Variants in CLVS1 observed in about 807,000 individuals in gnomAD.
CLVS1 encodes clavesin 1.
CLVS1 carries 10 observed loss-of-function variants against 33.1 expected under a neutral mutation model. The ratio of observed to expected loss-of-function variants is 0.30; its 90% CI spans 0.19 to 0.51. CLVS1 has a LOEUF of 0.51. Ranked by LOEUF, CLVS1 falls within the 20% of genes least tolerant of loss-of-function variation. The pLI is 0.97. For missense variants in CLVS1, 343 were observed against 433.4 expected (o/e 0.79, Z 1.85); for synonymous variants, 163 against 166.1 (o/e 0.98, Z 0.14).
chr8:61,464,403 A>G (rs761982690), intron 5 of CLVS1, among the ~76,000 whole-genome samples: 17 of 152,202 alleles, frequency 1.1e-4, no homozygotes, highest in Non-Finnish European at 1.8e-4. Context: ...GAAAGAGCCA[A>G]TTCCTCCCCC....
chr8:61,375,579 A>G (rs937028050), intron 2 of CLVS1, among the ~76,000 whole-genome samples: 1 of 152,114 alleles, frequency 6.6e-6, no homozygotes. Context: ...AGATTTCCTG[A>G]TTTCTAATCT....
intron 3 of CLVS1, among the ~76,000 whole-genome samples, chr8:61,406,034 GC>G (rs1814972840): frequency 6.6e-6 from 1 of 152,110 alleles, no homozygotes; most frequent in Non-Finnish European, 1.5e-5. Flanking sequence ...TTAACAAATT[GC>G]CTTGCAAGTA....
At chr8:61,185,351 G>A (rs1391564587) in intron 2 of CLVS1, among the ~76,000 whole-genome samples, 1 of 125,004 alleles carries the variant, frequency 8.0e-6, no homozygotes, top group Admixed American at 8.5e-5. Context: ...TTGGGGTTTT[G>A]CCATGTTGCC....
Position 61,493,263 on chromosome 8 carries a change from T to A in CLVS1, c.978-6192T>A, listed in dbSNP as rs556104821. On this transcript the variant is annotated intron_variant, in intron 5 of 5. Coordinates refer to ENST00000325897, the MANE Select transcript of CLVS1 (RefSeq NM_173519.3). ...ATGTGTCAGTACACACAATTGTCTC[T>A]TGTAAGTCTTTTAGTGGTGCCATGG... Among the ~76,000 whole-genome samples, 22 of 152,356 alleles carry A rather than the reference T, an allele frequency of 1.4e-4. 2 individuals are homozygous for A. Among genetic ancestry groups the A allele is most frequent in the Middle Eastern group, 6.8e-3 (2 of 294 alleles).
At chr8:61,221,582 T>C (rs1266610003) in intron 2 of CLVS1, among the ~76,000 whole-genome samples, 1 of 152,212 alleles carries the variant, frequency 6.6e-6, no homozygotes, top group African/African-American at 2.4e-5. Context: ...TGGATTCAGT[T>C]TGCCAATATT....
chr8:61,486,400 G>A (rs887009321), intron 5 of CLVS1, among the ~76,000 whole-genome samples: 60 of 152,302 alleles, frequency 3.9e-4, no homozygotes, highest in African/African-American at 1.3e-3. Context: ...TTAGTCTTTG[G>A]TGTTTGACTA....
At chr8:61,246,416 T>C (rs4033248) in intron 2 of CLVS1, among the ~76,000 whole-genome samples, 95,004 of 151,298 alleles carry the variant, frequency 0.63, 32,885 homozygotes, top group East Asian at 0.97. Flanking sequence ...GTGATACACC[T>C]GCCTCGGCCT....
At chr8:61,153,578 T>A (rs1806586905) in intron 2 of CLVS1, among the ~76,000 whole-genome samples, 1 of 151,992 alleles carries the variant, frequency 6.6e-6, no homozygotes, top group Non-Finnish European at 1.5e-5. Flanking sequence ...CCAATAAGAA[T>A]AAAGGGAAGC....
At chr8:61,192,461 A>G (rs901499817) in intron 2 of CLVS1, among the ~76,000 whole-genome samples, 1 of 144,690 alleles carries the variant, frequency 6.9e-6, no homozygotes, top group African/African-American at 2.6e-5. Flanking sequence ...GGCCAGAGGC[A>G]TGGGCAAGGA....
chr8:61,487,537 G>T (rs1392603198), intron 5 of CLVS1, among the ~76,000 whole-genome samples: 2 of 152,202 alleles, frequency 1.3e-5, no homozygotes, highest in Non-Finnish European at 2.9e-5. Flanking sequence ...GGTTTATAGA[G>T]TATCTTTTTT....
intron 1 of CLVS1, among the ~76,000 whole-genome samples, chr8:61,073,860 A>AAATCC (rs1321264459): frequency 1.3e-5 from 2 of 151,508 alleles, no homozygotes; most frequent in Admixed American, 6.6e-5. Context: ...AAAATACAAA[A>AAATCC]AATTAGCCGG....
At chr8:61,416,930 T>C (rs1048041440) in intron 3 of CLVS1, among the ~76,000 whole-genome samples, 2 of 152,194 alleles carry the variant, frequency 1.3e-5, no homozygotes, top group African/African-American at 4.8e-5. Context: ...GAAGAGGGAT[T>C]TGGCCAAGGC....
chr8:60,970,025 ACG>A, the CLVS1 span, among the ~76,000 whole-genome samples: 1 of 152,230 alleles, frequency 6.6e-6, no homozygotes, highest in Non-Finnish European at 1.5e-5. Flanking sequence ...CTCCCCCGAT[ACG>A]TCAAGGAGCA....
At chr8:61,378,883 T>TG (rs1813754898) in intron 3 of CLVS1, among the ~76,000 whole-genome samples, 1 of 152,198 alleles carries the variant, frequency 6.6e-6, no homozygotes, top group African/African-American at 2.4e-5. Context: ...TCTGATGTCT[T>TG]GAAAAAGCCG....
intron 2 of CLVS1, among the ~76,000 whole-genome samples, chr8:61,348,474 G>C: frequency 6.6e-6 from 1 of 151,998 alleles, no homozygotes. Flanking sequence ...AGAACTTAAA[G>C]TATAATAAAA....
chr8:61,091,631 C>T (rs951464781), intron 1 of CLVS1, among the ~76,000 whole-genome samples: 1 of 152,208 alleles, frequency 6.6e-6, no homozygotes, highest in African/African-American at 2.4e-5. Context: ...CTTGAGTTAT[C>T]GAAAGCCCTT....
intron 2 of CLVS1, among the ~76,000 whole-genome samples, chr8:61,376,403 G>A (rs182643203): frequency 6.6e-6 from 1 of 152,320 alleles, no homozygotes; most frequent in African/African-American, 2.4e-5. Flanking sequence ...AGCCAAGGGA[G>A]GTGTCCAACC....
intron 2 of CLVS1, among the ~76,000 whole-genome samples, chr8:61,373,771 A>G (rs574956277): frequency 6.6e-6 from 1 of 152,242 alleles, no homozygotes; most frequent in African/African-American, 2.4e-5. Flanking sequence ...TTGCTATGTA[A>G]CAAACCATCT....
intron 1 of CLVS1, among the ~76,000 whole-genome samples, chr8:61,096,670 A>C (rs1805356757): frequency 6.6e-6 from 1 of 152,224 alleles, no homozygotes; most frequent in Non-Finnish European, 1.5e-5. Context: ...ACATGAGTCA[A>C]TAATGCTTCT....
Sources: allele counts gnomAD v4.1 joint callset (sites outside exome capture counted in the v4.1 genomes callset), GRCh38; gene constraint gnomAD v4.1.1; transcripts MANE v1.5; gene names NCBI Gene and HGNC (gene_info 2026-07-23, HGNC 2026-07-21).